The following FGF12 variants were observed in gnomAD, a reference collection of about 807,000 sequenced individuals.
FGF12 encodes the protein fibroblast growth factor 12.
FGF12 carries 14 observed loss-of-function variants against 23.6 expected under a neutral mutation model. That is an observed-to-expected ratio of 0.59 (90% CI 0.39 to 0.93). The LOEUF (loss-of-function observed/expected upper bound fraction) is 0.93. Ranked by LOEUF, FGF12 falls within the 40% of genes least tolerant of loss-of-function variation. The probability of loss-of-function intolerance (pLI) is 0.00; values close to 1 mark genes in which losing one functional copy is unlikely to be tolerated. For synonymous variants in FGF12, 62 were observed against 77.3 expected (o/e 0.80, Z 1.04); for missense variants, 175 against 217.8 (o/e 0.80, Z 1.24).
At chr3:192,437,151 C>T (rs1722050800) in intron 2 of FGF12, among the ~76,000 whole-genome samples, 1 of 152,020 alleles carries the variant, frequency 6.6e-6, no homozygotes, top group Non-Finnish European at 1.5e-5. Context: ...AGGGAGAACT[C>T]TGGGAAAATG....
At chr3:192,155,530 G>C (rs533923550) in intron 5 of FGF12, among the ~76,000 whole-genome samples, 6 of 152,124 alleles carry the variant, frequency 3.9e-5, no homozygotes, top group African/African-American at 9.7e-5. Context: ...TTTGTTTTGG[G>C]GGGGAGCTTA....
At chr3:192,726,571 A>T (rs1719222600) in intron 2 of FGF12, among the ~76,000 whole-genome samples, 1 of 152,172 alleles carries the variant, frequency 6.6e-6, no homozygotes. Context: ...CATGTCCAGA[A>T]CTAGTAAATG....
intron 4 of FGF12, among the ~76,000 whole-genome samples, chr3:192,181,595 G>C (rs938505277): frequency 4.6e-5 from 7 of 151,374 alleles, no homozygotes; most frequent in Admixed American, 3.3e-4. Context: ...AGATCACAAG[G>C]TCGCCTAGAT....
chr3:192,253,788 C>G (rs956679531), intron 4 of FGF12, among the ~76,000 whole-genome samples: 4 of 152,034 alleles, frequency 2.6e-5, no homozygotes, highest in Middle Eastern at 3.4e-3. Flanking sequence ...AAATTATTCA[C>G]TTTAGAAAAG....
intron 4 of FGF12, among the ~76,000 whole-genome samples, chr3:192,225,561 A>G (rs1718689708): frequency 6.6e-6 from 1 of 152,178 alleles, no homozygotes; most frequent in Admixed American, 6.6e-5. Flanking sequence ...GGTAATTCCT[A>G]AAGTTAAACA....
At chr3:192,442,160 G>A (rs1391033497) in intron 2 of FGF12, among the ~76,000 whole-genome samples, 1 of 152,208 alleles carries the variant, frequency 6.6e-6, no homozygotes, top group Non-Finnish European at 1.5e-5. Context: ...ATTCAAAGAA[G>A]TCTGTGACAT....
intron 2 of FGF12, among the ~76,000 whole-genome samples, chr3:192,716,820 T>G (rs1416216672): frequency 6.6e-6 from 1 of 152,224 alleles, no homozygotes; most frequent in Admixed American, 6.5e-5. Context: ...CTTACCCAAG[T>G]TACAGAGACT....
At chr3:192,526,921 A>C (rs1724958791) in intron 2 of FGF12, among the ~76,000 whole-genome samples, 1 of 152,204 alleles carries the variant, frequency 6.6e-6, no homozygotes, top group South Asian at 2.1e-4. Context: ...AAGTATGATA[A>C]AAATAAAGGA....
chr3:192,703,453 G>A (rs116709398), intron 2 of FGF12, among the ~76,000 whole-genome samples: 2,662 of 152,302 alleles, frequency 0.017, 75 homozygotes, highest in African/African-American at 0.06. Context: ...CATGGCTGCT[G>A]ATTGATCATG....
intron 4 of FGF12, among the ~76,000 whole-genome samples, chr3:192,221,742 AT>A (rs1229973209): frequency 1.3e-5 from 2 of 152,150 alleles, no homozygotes; most frequent in Non-Finnish European, 2.9e-5. Context: ...GTCAACAAAG[AT>A]TTACTGAAGT....
chr3:192,207,048 T>A (rs1327581567), intron 4 of FGF12, among the ~76,000 whole-genome samples: 1 of 152,092 alleles, frequency 6.6e-6, no homozygotes, highest in Admixed American at 6.5e-5. Context: ...GGGAAAAAAA[T>A]AACTAGGCTT....
intron 2 of FGF12, among the ~76,000 whole-genome samples, chr3:192,719,786 C>CAAAA (rs553013127): frequency 1.2e-4 from 12 of 102,292 alleles, no homozygotes; most frequent in East Asian, 6.6e-4. Flanking sequence ...AGACTAAGGG[C>CAAAA]AAAAAAAAAA....
At chr3:192,305,679 A>ATATATATATATATATAT (rs1553794685) in intron 4 of FGF12, among the ~76,000 whole-genome samples, 102 of 131,892 alleles carry the variant, frequency 7.7e-4, no homozygotes, top group Middle Eastern at 4.0e-3. Flanking sequence ...AAAAAAAAAA[A>ATATATATATATATATAT]ATATATATAT....
At chr3:192,465,510 GTC>G (rs1722984790) in intron 2 of FGF12, among the ~76,000 whole-genome samples, 1 of 152,208 alleles carries the variant, frequency 6.6e-6, no homozygotes, top group African/African-American at 2.4e-5. Context: ...TCTCTAGAGT[GTC>G]TGTCTTGAAA....
chr3:192,516,785 C>T (rs1432761871), intron 2 of FGF12: 2 of 152,176 alleles, frequency 1.3e-5, no homozygotes, highest in African/African-American at 4.8e-5. Context: ...CTCCAAGGTC[C>T]TTGAAGATCT....
intron 4 of FGF12, among the ~76,000 whole-genome samples, chr3:192,266,496 A>G (rs541871258): frequency 6.6e-6 from 1 of 152,178 alleles, no homozygotes; most frequent in South Asian, 2.1e-4. Context: ...GCTTTCTCCA[A>G]CCAGTATCAA....
intron 3 of FGF12, among the ~76,000 whole-genome samples, chr3:192,356,280 G>A (rs747408515): frequency 1.2e-4 from 19 of 152,020 alleles, no homozygotes; most frequent in Non-Finnish European, 2.1e-4. Flanking sequence ...TCTTTCCACC[G>A]TACTAACTTG....
intron 2 of FGF12, among the ~76,000 whole-genome samples, chr3:192,645,920 T>C (rs1715990449): frequency 6.6e-6 from 1 of 151,648 alleles, no homozygotes; most frequent in Admixed American, 6.6e-5. Context: ...TAAAAAGGAA[T>C]AGCAGGGGCC....
chr3:192,482,058 G>A (rs909174726), intron 2 of FGF12, among the ~76,000 whole-genome samples: 3 of 152,260 alleles, frequency 2.0e-5, no homozygotes, highest in Middle Eastern at 3.4e-3. Context: ...TTGCTACTAT[G>A]TCATTATCAC....
Sources: gnomAD v4.1 joint callset for allele counts (sites outside exome capture counted in the v4.1 genomes callset) on GRCh38, gnomAD v4.1.1 for gene constraint, MANE v1.5 for transcripts, NCBI Gene and HGNC (gene_info 2026-07-23, HGNC 2026-07-21) for gene names.